Variants in GBE1 observed in about 807,000 individuals in gnomAD.
GBE1 encodes the protein 1,4-alpha-glucan-branching enzyme.
In GBE1, 70 loss-of-function variants were observed where a neutral mutation model predicts 88.8. That is an observed-to-expected ratio of 0.79 (90% CI 0.65 to 0.96). GBE1 has a LOEUF of 0.96. GBE1 is among the 40% of genes least tolerant of loss of function. GBE1 has a pLI of 0.00. For synonymous variants in GBE1, 284 were observed against 300.1 expected, an observed-to-expected ratio of 0.95 and a Z score of 0.56; for missense variants, 872 against 871.0, an observed-to-expected ratio of 1.00 and a Z score of -0.01.
chr3:81,614,171 C>T (rs1226450036), intron 7 of GBE1, among the ~76,000 whole-genome samples: 1 of 152,152 alleles, frequency 6.6e-6, no homozygotes, highest in Non-Finnish European at 1.5e-5. Flanking sequence ...CACACCACCA[C>T]TCTTGCTTCA....
intron 14 of GBE1, chr3:81,509,405 C>T (rs1363184662): frequency 1.3e-5 from 2 of 151,270 alleles, no homozygotes; most frequent in Non-Finnish European, 2.9e-5. Context: ...CACACACTCT[C>T]CTGCACCTGC....
intron 3 of GBE1, among the ~76,000 whole-genome samples, chr3:81,655,369 G>A (rs1384814128): frequency 6.6e-6 from 1 of 152,030 alleles, no homozygotes; most frequent in Non-Finnish European, 1.5e-5. Context: ...TAAGTAATTT[G>A]TAGAAGAGGG....
At chr3:81,639,490 G>C (rs1559672448) in intron 7 of GBE1, among the ~76,000 whole-genome samples, 1 of 151,874 alleles carries the variant, frequency 6.6e-6, no homozygotes, top group Non-Finnish European at 1.5e-5. Context: ...GTTGTGTGTG[G>C]TTAAAATTAC....
chr3:81,718,265 C>T (rs1444055672), intron 1 of GBE1, among the ~76,000 whole-genome samples: 1 of 152,080 alleles, frequency 6.6e-6, no homozygotes, highest in Non-Finnish European at 1.5e-5. Flanking sequence ...CAGGCGTGAG[C>T]CACTGTGCCT....
intron 7 of GBE1, among the ~76,000 whole-genome samples, chr3:81,629,995 C>A (rs756973515): frequency 2.0e-5 from 3 of 152,004 alleles, no homozygotes; most frequent in African/African-American, 7.3e-5. Context: ...CGACAGTTTA[C>A]TGAGAATGAT....
At chr3:81,753,279 C>T (rs944586673) in intron 1 of GBE1, among the ~76,000 whole-genome samples, 2 of 152,026 alleles carry the variant, frequency 1.3e-5, no homozygotes, top group African/African-American at 4.8e-5. Context: ...CACAAAGGAG[C>T]CCTGGATTCA....
chr3:81,648,769 A>G, intron 5 of GBE1, 87 bp downstream of exon 5: 1 of 772,044 alleles, frequency 1.3e-6, no homozygotes. Flanking sequence ...TCCTAACACA[A>G]AAAAGAGACA....
intron 10 of GBE1, among the ~76,000 whole-genome samples, chr3:81,585,520 CA>C (rs932451716): frequency 6.7e-6 from 1 of 149,972 alleles, no homozygotes; most frequent in African/African-American, 2.5e-5. Flanking sequence ...GAAAAAAAAA[CA>C]AAAAACACCA....
At chr3:81,517,456 T>A (rs1051961264) in intron 14 of GBE1, among the ~76,000 whole-genome samples, 22 of 151,524 alleles carry the variant, frequency 1.5e-4, no homozygotes, top group Admixed American at 8.6e-4. Flanking sequence ...ATATTTGCTT[T>A]ATTCCAGTGG....
intron 14 of GBE1, among the ~76,000 whole-genome samples, chr3:81,505,482 T>G (rs1220232157): frequency 1.3e-5 from 2 of 152,102 alleles, no homozygotes; most frequent in African/African-American, 4.8e-5. Flanking sequence ...GGATTGAATT[T>G]TATTTATTGC....
At chr3:81,616,295 T>C (rs1434763105) in intron 7 of GBE1, among the ~76,000 whole-genome samples, 1 of 152,168 alleles carries the variant, frequency 6.6e-6, no homozygotes, top group African/African-American at 2.4e-5. Flanking sequence ...TGACTAATCC[T>C]ACAGCTGAAG....
intron 2 of GBE1, among the ~76,000 whole-genome samples, chr3:81,676,364 G>A (rs1485987101): frequency 6.6e-6 from 1 of 151,832 alleles, no homozygotes; most frequent in Non-Finnish European, 1.5e-5. Flanking sequence ...CTTTTGGGGT[G>A]GCATATTAAT....
chr3:81,673,388 C>T (rs748236314), intron 2 of GBE1, among the ~76,000 whole-genome samples: 57 of 151,696 alleles, frequency 3.8e-4, no homozygotes, highest in Non-Finnish European at 5.5e-4. Flanking sequence ...GCTCTAAATT[C>T]GTCATATCTC....
At chr3:81,610,234 A>C (rs557628511) in intron 7 of GBE1, among the ~76,000 whole-genome samples, 105 of 152,316 alleles carry the variant, frequency 6.9e-4, no homozygotes, top group Non-Finnish European at 1.1e-3. Flanking sequence ...ATCATCATCC[A>C]AGGATACAAC....
At chr3:81,750,555 ATATATATG>A (rs1706487052) in intron 1 of GBE1, among the ~76,000 whole-genome samples, 5 of 84,088 alleles carry the variant, frequency 5.9e-5, no homozygotes, top group African/African-American at 3.2e-4. Context: ...ATATATGTAT[ATATATATG>A]TATATATATA....
intron 1 of GBE1, among the ~76,000 whole-genome samples, chr3:81,749,603 AATAAGT>A (rs1158979523): frequency 6.6e-6 from 1 of 152,230 alleles, no homozygotes; most frequent in Non-Finnish European, 1.5e-5. Context: ...GACACACACA[AATAAGT>A]ATATGTAAAA....
intron 12 of GBE1, among the ~76,000 whole-genome samples, chr3:81,552,714 G>T (rs1328574420): frequency 6.6e-6 from 1 of 151,326 alleles, no homozygotes; most frequent in Non-Finnish European, 1.5e-5. Context: ...TGTATTGAAG[G>T]GTAATTATAC....
At chr3:81,585,572 A>G (rs2106944479) in intron 10 of GBE1, among the ~76,000 whole-genome samples, 1 of 152,324 alleles carries the variant, frequency 6.6e-6, no homozygotes, top group East Asian at 1.9e-4. Flanking sequence ...AATTTTATTG[A>G]TAAATGATGT....
intron 14 of GBE1, among the ~76,000 whole-genome samples, chr3:81,508,349 C>T (rs991003298): frequency 3.9e-4 from 60 of 152,252 alleles, no homozygotes; most frequent in Non-Finnish European, 3.5e-4. Flanking sequence ...CACTTCTGCA[C>T]TAACCTCTCC....
Sources: gnomAD v4.1 joint callset for allele counts (sites outside exome capture counted in the v4.1 genomes callset) on GRCh38, gnomAD v4.1.1 for gene constraint, MANE v1.5 for transcripts, NCBI Gene and HGNC (gene_info 2026-07-23, HGNC 2026-07-21) for gene names.